Variants in LPIN1 observed in about 807,000 individuals in gnomAD.
LPIN1 encodes the protein phosphatidate phosphatase LPIN1.
A neutral mutation model predicts 107.5 loss-of-function variants in LPIN1; 71 were observed. That is an observed-to-expected ratio of 0.66 (90% confidence interval 0.55 to 0.80). LPIN1 has a LOEUF of 0.80. LPIN1 is among the 30% of genes least tolerant of loss of function. The pLI, the probability that LPIN1 is intolerant of heterozygous loss-of-function variation, is 0.00. For synonymous variants in LPIN1, 445 were observed against 452.6 expected (o/e 0.98, Z 0.21); for missense variants, 1,043 against 1,160.6 (o/e 0.90, Z 1.47).
At chr2:11,762,057 C>T (rs1338727736) in intron 1 of LPIN1, among the ~76,000 whole-genome samples, 2 of 152,068 alleles carry the variant, frequency 1.3e-5, no homozygotes, top group Non-Finnish European at 2.9e-5. Flanking sequence ...GTCTGGGCCT[C>T]CTGTGCTTCT....
At chr2:11,804,644 G>A in intron 16 of LPIN1, 73 bp downstream of exon 16, 1 of 1,505,532 alleles carries the variant, frequency 6.6e-7, no homozygotes. Flanking sequence ...CCTGGTGTTG[G>A]CACCTCTGCT....
chr2:11,776,451 T>A (rs1355708381), intron 6 of LPIN1, among the ~76,000 whole-genome samples: 1 of 151,984 alleles, frequency 6.6e-6, no homozygotes, highest in East Asian at 1.9e-4. Flanking sequence ...TTTTTTTAAT[T>A]CCTAAATTTG....
chr2:11,751,582 G>A (rs2148579590), intron 1 of LPIN1, among the ~76,000 whole-genome samples: 1 of 152,336 alleles, frequency 6.6e-6, no homozygotes, highest in East Asian at 1.9e-4. Context: ...GCTGGGCGCG[G>A]TGGCTCACGC....
At chr2:11,685,629 G>A (rs1661964053) in intron 1 of LPIN1, among the ~76,000 whole-genome samples, 1 of 152,202 alleles carries the variant, frequency 6.6e-6, no homozygotes, top group South Asian at 2.1e-4. Context: ...CAGATCTGGT[G>A]CATCCTTTTG....
chr2:11,693,788 GTATATATATATATA>G lies in LPIN1; in HGVS notation c.81+16082_81+16095del, dbSNP rs869167624. Among the ~76,000 whole-genome samples, 301 of 40,986 alleles carry G rather than the reference GTATATATATATATA, an allele frequency of 7.3e-3. 6 individuals are homozygous for G. Among genetic ancestry groups the G allele is most frequent in the Admixed American group, 0.042 (84 of 2,008 alleles). The allele number at this position is 40,986 out of a possible 152,430, so 26.9% of individuals were successfully genotyped here. A position where few individuals can be genotyped will look rare whatever the true frequency, so the allele number is the denominator to read the frequency against. On this transcript the variant is annotated intron_variant, in intron 1 of 21. Transcript: ENST00000449576. ...GCCATATATGTGTGTGTGTGAGTGTGTATATATATATATATATATATATATATATATATATTTTT... is the reference window on the plus strand; with the variant it reads ...GCCATATATGTGTGTGTGTGAGTGTGTATATATATATATATATATATTTTT...
At chr2:11,773,167 G>A (rs1338673429) in intron 4 of LPIN1, among the ~76,000 whole-genome samples, 4 of 152,236 alleles carry the variant, frequency 2.6e-5, no homozygotes, top group African/African-American at 9.6e-5. Flanking sequence ...TTTGGTTGAT[G>A]CCATTTATTT....
At chr2:11,736,427 C>T (rs1423585752) in intron 1 of LPIN1, among the ~76,000 whole-genome samples, 1 of 152,090 alleles carries the variant, frequency 6.6e-6, no homozygotes, top group East Asian at 1.9e-4. Flanking sequence ...GAGCTCTGGT[C>T]TCCTCCTCTT....
chr2:11,780,872 A>G (rs1450750074), intron 7 of LPIN1, among the ~76,000 whole-genome samples: 1 of 152,220 alleles, frequency 6.6e-6, no homozygotes, highest in Non-Finnish European at 1.5e-5. Context: ...ATGCACGCTG[A>G]GCCCCAGTTT....
intron 1 of LPIN1, among the ~76,000 whole-genome samples, chr2:11,696,297 G>A (rs1477106636): frequency 6.6e-6 from 1 of 151,156 alleles, no homozygotes. Flanking sequence ...GTTTTCTGAT[G>A]GGGTTGCTGA....
chr2:11,716,771 G>A (rs988101450), intron 2 of LPIN1, among the ~76,000 whole-genome samples: 3 of 152,086 alleles, frequency 2.0e-5, no homozygotes, highest in African/African-American at 7.3e-5. Context: ...GAAACTCAAC[G>A]AAATACACAC....
chr2:11,724,337 C>T, exon 1 of LPIN1: 1 of 985,886 alleles, frequency 1.0e-6, no homozygotes, highest in Non-Finnish European at 1.2e-6. Context: ...AGCCCATGCG[C>T]AGGGCATGGA....
chr2:11,750,900 C>T (rs1667693938), intron 1 of LPIN1, among the ~76,000 whole-genome samples: 1 of 152,140 alleles, frequency 6.6e-6, no homozygotes, highest in Non-Finnish European at 1.5e-5. Context: ...GTTATAAGGG[C>T]AGAGCATTCT....
intron 1 of LPIN1, among the ~76,000 whole-genome samples, chr2:11,677,903 C>T (rs1661514390): frequency 2.0e-5 from 3 of 152,280 alleles, no homozygotes; most frequent in Admixed American, 6.5e-5. Context: ...GCTTGCTCCT[C>T]ACAGGCTCCT....
rs1398841634 is a variant in LPIN1 at position 11,765,393 on chromosome 2, T to C, written c.-9-140T>C. ...GACCCTGATGGGCTATGGGGGTGGA[T>C]AGAACACATTCCGGAAATGAGAGGA... On this transcript the variant is annotated intron_variant, in intron 1 of 20. Coordinates refer to ENST00000674199, the MANE Select transcript of LPIN1 (RefSeq NM_001349206.2). The surrounding 1 kb of genome is among the most constrained non-coding windows in gnomAD (Gnocchi z 4.4). The C allele has an allele frequency of 5.2e-6, 4 of 768,910 alleles. No individual in the cohort carries two copies. Among genetic ancestry groups the C allele is most frequent in the East Asian group, 2.7e-5 (1 of 37,530 alleles). The allele number at this position is 768,910 out of a possible 1,614,324, so 47.6% of individuals were successfully genotyped here. A position where few individuals can be genotyped will look rare whatever the true frequency, so the allele number is the denominator to read the frequency against.
rs545059434 is a variant in LPIN1 at position 11,765,118 on chromosome 2, G to T, written c.-9-415G>T. Among the ~76,000 whole-genome samples, 2 of 152,108 alleles carry T rather than the reference G, an allele frequency of 1.3e-5. No individual in the cohort carries two copies. Among genetic ancestry groups the T allele is most frequent in the African/African-American group, 4.8e-5 (2 of 41,518 alleles). On this transcript the variant is annotated intron_variant, in intron 1 of 20. Transcript: ENST00000674199. The surrounding 1 kb of genome is among the most constrained non-coding windows in gnomAD (Gnocchi z 4.4). ...TGATGGTCCATGATGGGCCATGGTG[G>T]ACACTGATGGGCCGTAATGGGCCAT...
intron 1 of LPIN1, among the ~76,000 whole-genome samples, chr2:11,755,960 A>G (rs1388186774): frequency 1.3e-5 from 2 of 152,140 alleles, no homozygotes; most frequent in African/African-American, 4.8e-5. Context: ...TGACCTCATG[A>G]TCTGCCCGCC....
chr2:11,776,211 C>T lies in LPIN1; in HGVS notation c.830+18C>T, dbSNP rs776643877. On this transcript the variant is annotated intron_variant, in intron 6 of 20. Transcript: ENST00000674199. ...TCGGAAAGGTAGAGGAGTTATTTTC[C>T]CCATTGGGATATATTCAATAATGAA... The T allele has an allele frequency of 4.1e-6, 6 of 1,456,104 alleles. No individual in the cohort carries two copies. The South Asian group carries it at 7.6e-5, about 18-fold the overall frequency. 90.2% of individuals were successfully genotyped at this position (1,456,104 alleles called of 1,614,324 possible).
rs1348136865 is a variant in LPIN1, at chr2:11,785,038, T to TTTTTGAATG, written c.1511_1512insTTTTGAATG (p.Leu504_Cys505insPheGluCys). ...GACCTCCCTTCCATCGCCATCTCCC[T>TTTTTGAATG]CTGCGGGGGCCTCAGCGACCACCGG... is the stretch of plus-strand genomic sequence containing the variant. On this transcript the variant is annotated inframe_insertion, in exon 10 of 21. Transcript: ENST00000674199. 6.2e-7 allele frequency: 1 copy of TTTTTGAATG among 1,602,058 alleles called. No homozygotes were observed. Among genetic ancestry groups the TTTTTGAATG allele is most frequent in the South Asian group, 1.1e-5 (1 of 90,198 alleles).
chr2:11,764,076 G>T (rs867655119), intron 1 of LPIN1: 2 of 57,656 alleles, frequency 3.5e-5, no homozygotes, highest in African/African-American at 9.6e-5. Context: ...GTGTGTGTGT[G>T]TGTATATATA....
Sources: gnomAD v4.1 joint callset for allele counts (sites outside exome capture counted in the v4.1 genomes callset) on GRCh38, gnomAD v4.1.1 for gene constraint, Gnocchi (gnomAD v3.1) non-coding constraint, MANE v1.5 for transcripts, NCBI Gene and HGNC (gene_info 2026-07-23, HGNC 2026-07-21) for gene names.